Variants in MPP7 observed in about 807,000 individuals in gnomAD.
MPP7 encodes the protein MAGUK p55 subfamily member 7.
Under a neutral mutation model 76.5 loss-of-function variants are expected in MPP7, and 60 were observed. The ratio of observed to expected loss-of-function variants is 0.78; its 90% CI spans 0.64 to 0.97. The LOEUF is 0.97. Ranked by LOEUF, MPP7 falls within the 50% of genes least tolerant of loss-of-function variation. MPP7 has a pLI of 0.00. For missense variants in MPP7, 641 were observed against 694.0 expected (o/e 0.92, Z 0.86); for synonymous variants, 237 against 244.5 (o/e 0.97, Z 0.29).
chr10:28,066,242 A>C (rs764295264), intron 13 of MPP7, among the ~76,000 whole-genome samples: 1 of 152,198 alleles, frequency 6.6e-6, no homozygotes, highest in Non-Finnish European at 1.5e-5. Context: ...CAGAGGAGCA[A>C]AAGACAGAAA....
chr10:28,082,823 C>A (rs1852826498), intron 12 of MPP7, among the ~76,000 whole-genome samples: 1 of 152,024 alleles, frequency 6.6e-6, no homozygotes, highest in African/African-American at 2.4e-5. Flanking sequence ...TCTTGAGCTC[C>A]TGGGCTCAAG....
rs370980691 is a variant in MPP7 at position 28,197,835 on chromosome 10, T to C, written c.156+4318A>G. On this transcript the variant is annotated intron_variant, in intron 3 of 16. Transcript: ENST00000683449. ...GTGATGGATACCCCATTTACCCTGA[T>C]GTGATTATTATATTGCATGCTGGTA... Among the ~76,000 whole-genome samples the C allele has an allele frequency of 2.6e-5, 4 of 152,218 alleles. No individual in the cohort carries two copies. The South Asian group carries it at 8.3e-4, about 32-fold the overall frequency.
intron 8 of MPP7, among the ~76,000 whole-genome samples, chr10:28,122,838 T>A (rs1334461260): frequency 6.6e-6 from 1 of 152,162 alleles, no homozygotes; most frequent in Non-Finnish European, 1.5e-5. Context: ...CTTTTTTCTA[T>A]AAAGAAAGTT....
chr10:28,117,515 G>A (rs867134421), intron 11 of MPP7, among the ~76,000 whole-genome samples: 6 of 151,988 alleles, frequency 3.9e-5, no homozygotes, highest in African/African-American at 9.7e-5. Flanking sequence ...GCATGATAAC[G>A]TAAGTTTCCT....
Position 28,120,605 on chromosome 10 carries a change from T to C in MPP7, c.679A>G (p.Lys227Glu), listed in dbSNP as rs1311813878. 3.7e-6 allele frequency: 6 copies of C among 1,613,682 alleles called. No homozygotes were observed. The highest frequency in any genetic ancestry group is 1.7e-5 in the Admixed American group (1 of 59,998). ...IPGSKEETPS[K>E]EGKMFIKALF... The stretch of plus-strand genomic sequence containing the variant: ...TAAGCAATAATTACCTTGCCTTCTT[T>C]TGATGGTGTCTCCTCTTTGCTGCCG... Residue 227 changes from lysine (K) to glutamate (E), a missense_variant, in exon 9 of 17, where the codon AAA (lysine) becomes GAA (glutamate). Transcript: ENST00000683449.
chr10:28,120,069 C>T (rs770988586), intron 10 of MPP7, 125 bp downstream of exon 10: 152 of 1,029,618 alleles, frequency 1.5e-4, no homozygotes, highest in Non-Finnish European at 2.1e-4. Flanking sequence ...AATCCAAACC[C>T]ACAGGATAAA....
At chr10:28,308,679 G>A (rs1170884555) in intron 2 of MPP7, among the ~76,000 whole-genome samples, 1 of 152,158 alleles carries the variant, frequency 6.6e-6, no homozygotes, top group East Asian at 1.9e-4. Context: ...TCAGGAGGCT[G>A]AGGCAGGAGG....
chr10:28,058,704 AT>A, intron 14 of MPP7, 101 bp from the exon 15 acceptor site: 1 of 547,814 alleles, frequency 1.8e-6, no homozygotes, highest in Middle Eastern at 5.2e-4. Context: ...TGAACACGTA[AT>A]TTTTTTAAAC....
chr10:28,302,404 T>C (rs1841179036), intron 1 of MPP7, among the ~76,000 whole-genome samples: 1 of 152,216 alleles, frequency 6.6e-6, no homozygotes, highest in Non-Finnish European at 1.5e-5. Context: ...AGAAAACATG[T>C]AATTAACACG....
At chr10:28,214,880 C>T (rs1838257844) in intron 2 of MPP7, among the ~76,000 whole-genome samples, 1 of 152,138 alleles carries the variant, frequency 6.6e-6, no homozygotes, top group Middle Eastern at 3.2e-3. Context: ...CATGCAGCCT[C>T]TGGTTCCAAG....
chr10:28,125,172 CT>C (rs1834978823), intron 6 of MPP7, 81 bp from the exon 7 acceptor site: 1 of 1,192,966 alleles, frequency 8.4e-7, no homozygotes, highest in East Asian at 2.4e-5. Context: ...GGACATTCAT[CT>C]GAAAAAAGAG....
intron 1 of MPP7, among the ~76,000 whole-genome samples, chr10:28,251,917 CA>C (rs111340130): frequency 0.04 from 5,996 of 151,338 alleles, 247 homozygotes; most frequent in African/African-American, 0.094. Context: ...TTAACAACAA[CA>C]AAAAAAAACT....
chr10:28,224,803 G>C (rs1838634784), intron 2 of MPP7, among the ~76,000 whole-genome samples: 1 of 151,704 alleles, frequency 6.6e-6, no homozygotes, highest in African/African-American at 2.4e-5. Context: ...AATGCATTTA[G>C]GTAACCAAAA....
chr10:28,195,518 G>A (rs910911722), intron 3 of MPP7, among the ~76,000 whole-genome samples: 3 of 152,320 alleles, frequency 2.0e-5, no homozygotes, highest in East Asian at 1.9e-4. Context: ...AAGGATGAAC[G>A]AAGTGTGATA....
chr10:28,132,014 T>C (rs945977843), intron 5 of MPP7, among the ~76,000 whole-genome samples: 13 of 151,878 alleles, frequency 8.6e-5, no homozygotes, highest in African/African-American at 3.1e-4. Context: ...GGTAGCAATT[T>C]GGGGCAAGAG....
At chr10:28,160,121 A>C (rs1836210092) in intron 3 of MPP7, among the ~76,000 whole-genome samples, 1 of 152,110 alleles carries the variant, frequency 6.6e-6, no homozygotes, top group Admixed American at 6.6e-5. Context: ...TAGAAAAAAA[A>C]AAAAAAAGTC....
At chr10:28,215,969 G>C (rs1273828332) in intron 2 of MPP7, among the ~76,000 whole-genome samples, 1 of 152,088 alleles carries the variant, frequency 6.6e-6, no homozygotes, top group East Asian at 1.9e-4. Flanking sequence ...GGAAAAGAAA[G>C]CTTTCACAAT....
At chr10:28,097,079 C>A (rs926060115) in intron 11 of MPP7, among the ~76,000 whole-genome samples, 6 of 151,818 alleles carry the variant, frequency 4.0e-5, no homozygotes, top group African/African-American at 1.2e-4. Flanking sequence ...AGCCTCAAAC[C>A]CCTGGGCTCC....
At chr10:28,077,335 ATCATCT>A (rs1400482574) in intron 12 of MPP7, among the ~76,000 whole-genome samples, 1 of 151,510 alleles carries the variant, frequency 6.6e-6, no homozygotes, top group Non-Finnish European at 1.5e-5. Flanking sequence ...ATTCTAGGTC[ATCATCT>A]TCAAAGGTAG....
Sources: gnomAD v4.1 joint callset for allele counts (sites outside exome capture counted in the v4.1 genomes callset) on GRCh38, gnomAD v4.1.1 for gene constraint, MANE v1.5 for transcripts, NCBI Gene and HGNC (gene_info 2026-07-23, HGNC 2026-07-21) for gene names.